Variants in MYH14 observed in about 807,000 individuals in gnomAD.
The protein encoded by MYH14 is myosin heavy chain 14.
In MYH14, 123 loss-of-function variants were observed where a neutral mutation model predicts 255.5. The ratio of observed to expected loss-of-function variants is 0.48; its 90% CI spans 0.42 to 0.56. MYH14 has a LOEUF of 0.56. MYH14 is among the 20% of genes least tolerant of loss of function. MYH14 has a pLI of 0.00. For missense variants in MYH14, 2,423 were observed against 2,802.3 expected (o/e 0.86, Z 3.06); for synonymous variants, 1,095 against 1,161.2 (o/e 0.94, Z 1.16).
At chr19:50,210,096 C>CAAAAA (rs71180680) in intron 1 of MYH14, among the ~76,000 whole-genome samples, 62 of 59,638 alleles carry the variant, frequency 1.0e-3, no homozygotes, top group African/African-American at 1.6e-3. Context: ...GACTCCGTCT[C>CAAAAA]AAAAAAAAAA....
chr19:50,214,351 G>A (rs1443598851), intron 2 of MYH14, among the ~76,000 whole-genome samples: 2 of 152,144 alleles, frequency 1.3e-5, no homozygotes, highest in East Asian at 3.9e-4. Context: ...AACTGATGAT[G>A]GGGATGGTGG....
Position 50,263,426 on chromosome 19 carries a change from G to A in MYH14, c.2694+6G>A. On this transcript the variant is annotated splice_donor_region_variant and intron_variant, in intron 22 of 42. Transcript: ENST00000642316. ...GGTGGCGGCTGTTTACCAAGGTGAG[G>A]GCAGCCTGGGGAGGTGGCCCCAGTA... is the stretch of plus-strand genomic sequence containing the variant. 6.3e-7 allele frequency: 1 copy of A among 1,584,174 alleles called. No individual in the cohort carries two copies. Among genetic ancestry groups the A allele is most frequent in the South Asian group, 1.2e-5 (1 of 86,910 alleles).
Position 50,280,510 on chromosome 19 carries a change from A to C in MYH14, c.4290+127A>C. The C allele has an allele frequency of 2.1e-5, 21 of 1,013,398 alleles. No homozygotes were observed. The highest frequency in any genetic ancestry group is 2.2e-5 in the Non-Finnish European group (16 of 713,652). 62.8% of individuals were successfully genotyped at this position (1,013,398 alleles called of 1,614,324 possible). ...GGCCAGACCCATGGGTGCCTTTCTC[A>C]TCTCTGACTCCCCCTTACCCCCCAC... On this transcript the variant is annotated intron_variant, in intron 32 of 42. Coordinates refer to ENST00000642316, the MANE Select transcript of MYH14 (RefSeq NM_001145809.2). The surrounding 1 kb of genome is among the most constrained non-coding windows in gnomAD (Gnocchi z 4.8).
chr19:50,309,770 C>T lies in MYH14; in HGVS notation c.6091C>T (p.Pro2031Ser), dbSNP rs1421891507. The change falls in exon 43 of 43, where the codon CCA becomes TCA. Residue 2031 changes from proline (P) to serine (S), a missense_variant. Physicochemically the swap from Pro to Ser is moderately conservative, Grantham distance 74 (BLOSUM62 -1). Coordinates refer to ENST00000642316, the MANE Select transcript of MYH14 (RefSeq NM_001145809.2). ...GCCATCCCCGGAGCCTGAGGGGTCC[C>T]CACCAGCCCACCCCCAGTGACCCTA... ...SGPSPEPEGSPPAHPQ is the reference protein window; with the variant it reads ...SGPSPEPEGSSPAHPQ The T allele has an allele frequency of 4.4e-6, 7 of 1,582,884 alleles. No homozygotes were observed. Among genetic ancestry groups the T allele is most frequent in the Middle Eastern group, 1.7e-4 (1 of 6,036 alleles).
intron 10 of MYH14, among the ~76,000 whole-genome samples, chr19:50,239,308 C>T (rs569342679): frequency 6.6e-6 from 1 of 152,316 alleles, no homozygotes; most frequent in African/African-American, 2.4e-5. Flanking sequence ...CGTGAGCCAC[C>T]GTGCCCAGCC....
chr19:50,243,794 CCTT>C (rs1568491252), intron 10 of MYH14, among the ~76,000 whole-genome samples: 2 of 152,286 alleles, frequency 1.3e-5, no homozygotes, highest in South Asian at 4.1e-4. Flanking sequence ...TCACTGTAGA[CCTT>C]CTTCATTCAT....
chr19:50,310,033 G>A lies in MYH14; in HGVS notation c.*243G>A, dbSNP rs561898739. ...ACTGGAGCTACCTTGCTTGTTGGGG[G>A]ACTGGGTACAGTTGGCAAGCTGTGT... is the stretch of plus-strand genomic sequence containing the variant. On this transcript the variant is annotated 3_prime_UTR_variant, in exon 43 of 43. Transcript: ENST00000642316. 1,397 of 610,562 alleles carry A rather than the reference G, an allele frequency of 2.3e-3. 22 individuals carry two copies. The highest frequency in any genetic ancestry group is 3.8e-3 in the Middle Eastern group (14 of 3,686). 37.8% of individuals were successfully genotyped at this position (610,562 alleles called of 1,614,324 possible). A position where few individuals can be genotyped will look rare whatever the true frequency, so the allele number is the denominator to read the frequency against.
At chr19:50,243,041 C>G (rs985192270) in intron 10 of MYH14, among the ~76,000 whole-genome samples, 9 of 152,124 alleles carry the variant, frequency 5.9e-5, no homozygotes, top group African/African-American at 2.2e-4. Flanking sequence ...GTGAGATCAG[C>G]TTCCTCCAGG....
chr19:50,266,932 A>T lies in MYH14; in HGVS notation c.2750A>T (p.Gln917Leu). The change falls in exon 23 of 43, where the codon CAG becomes CTG. Residue 917 changes from glutamine to leucine, a missense_variant. Coordinates refer to ENST00000642316, the MANE Select transcript of MYH14 (RefSeq NM_001145809.2). This position sits in a 1 kb window ranked among gnomAD's most constrained non-coding sequence, Gnocchi z 4.1. ...RQDEVLQARAQELQKVQELQQ... is the reference protein window; with the variant it reads ...RQDEVLQARALELQKVQELQQ... ...GATGAGGTGCTGCAGGCACGGGCCC[A>T]GGAGCTGCAGAAAGTGCAGGAGCTA... The T allele has an allele frequency of 6.4e-7, 1 of 1,554,174 alleles. No homozygotes were observed.
chr19:50,253,246 C>T (rs1420128087), intron 16 of MYH14, among the ~76,000 whole-genome samples: 1 of 152,064 alleles, frequency 6.6e-6, no homozygotes, highest in Non-Finnish European at 1.5e-5. Flanking sequence ...AGTTCAAGAC[C>T]AGCCTGGCCA....
intron 23 of MYH14, among the ~76,000 whole-genome samples, chr19:50,267,817 C>A (rs1312261963): frequency 6.6e-6 from 1 of 151,910 alleles, no homozygotes; most frequent in Non-Finnish European, 1.5e-5. Context: ...GTCTGGGAGG[C>A]TGGGGAGGAG....
intron 39 of MYH14, among the ~76,000 whole-genome samples, chr19:50,297,657 T>A (rs1359963999): frequency 6.9e-6 from 1 of 144,510 alleles, no homozygotes; most frequent in East Asian, 2.0e-4. Flanking sequence ...CCACCACATC[T>A]GGCTAATTTT....
intron 16 of MYH14, among the ~76,000 whole-genome samples, chr19:50,253,333 C>T (rs1309239191): frequency 6.6e-6 from 1 of 151,696 alleles, no homozygotes; most frequent in Non-Finnish European, 1.5e-5. Context: ...GTCTCAGCTA[C>T]TAGGGAGGCT....
chr19:50,216,893 C>T (rs1373301518), intron 2 of MYH14, among the ~76,000 whole-genome samples: 5 of 149,386 alleles, frequency 3.3e-5, no homozygotes, highest in Non-Finnish European at 7.4e-5. Context: ...CTGCAACCTC[C>T]GCCTGCCAGG....
In MYH14 at chr19:50,293,708, C is replaced by T; in HGVS notation, c.5469+21C>T. 1 of 1,538,354 alleles carries T rather than the reference C, an allele frequency of 6.5e-7. No individual in the cohort carries two copies. The highest frequency in any genetic ancestry group is 8.8e-7 in the Non-Finnish European group (1 of 1,141,468). ...TGCAGGTGAGCGTGATTGACCGCCC[C>T]CACCAGCCTCAGTCCCCATTGACCT... On this transcript the variant is annotated intron_variant, in intron 39 of 42. Transcript: ENST00000642316. This position sits in a 1 kb window ranked among gnomAD's most constrained non-coding sequence, Gnocchi z 4.1.
intron 3 of MYH14, 62 bp from the exon 4 acceptor site, chr19:50,223,021 G>A: frequency 6.6e-7 from 1 of 1,517,116 alleles, no homozygotes; most frequent in Admixed American, 1.7e-5. Context: ...CAGTGTAAGG[G>A]ACCAGAGGGC....
At chr19:50,229,064 C>T (rs1374325739) in intron 8 of MYH14, among the ~76,000 whole-genome samples, 1 of 152,164 alleles carries the variant, frequency 6.6e-6, no homozygotes, top group Non-Finnish European at 1.5e-5. Flanking sequence ...GTGGCTGCTG[C>T]TATCACCCCC....
intron 10 of MYH14, among the ~76,000 whole-genome samples, chr19:50,238,144 T>G (rs1477565523): frequency 1.3e-5 from 2 of 152,202 alleles, no homozygotes; most frequent in Non-Finnish European, 1.5e-5. Flanking sequence ...GCAGGTAGCC[T>G]GGGACACAGG....
chr19:50,217,471 C>T (rs2032540839), intron 2 of MYH14, 144 bp from the exon 3 acceptor site: 2 of 964,504 alleles, frequency 2.1e-6, no homozygotes, highest in South Asian at 2.7e-5. Flanking sequence ...TCATAACAAA[C>T]ATTCAAATCT....
Sources: allele counts gnomAD v4.1 joint callset (sites outside exome capture counted in the v4.1 genomes callset), GRCh38; gene constraint gnomAD v4.1.1; non-coding constraint Gnocchi (gnomAD v3.1); transcripts MANE v1.5; gene names NCBI Gene and HGNC (gene_info 2026-07-23, HGNC 2026-07-21).